Variants in ESR1 observed in about 807,000 individuals in gnomAD.
ESR1 encodes the protein estrogen receptor.
Under a neutral mutation model 52.7 loss-of-function variants are expected in ESR1, and 12 were observed. That is an observed-to-expected ratio of 0.23 (90% CI 0.15 to 0.37). The LOEUF (loss-of-function observed/expected upper bound fraction) is 0.37. ESR1 is among the 10% of genes least tolerant of loss of function. The pLI, the probability that ESR1 is intolerant of heterozygous loss-of-function variation, is 1.00. For synonymous variants in ESR1, 305 were observed against 316.8 expected (o/e 0.96, Z 0.39); for missense variants, 584 against 779.7 (o/e 0.75, Z 2.99).
chr6:151,865,154 A>C (rs1451385486), intron 2 of ESR1, among the ~76,000 whole-genome samples: 4 of 152,080 alleles, frequency 2.6e-5, no homozygotes, highest in Non-Finnish European at 5.9e-5. Flanking sequence ...TTTCTTCTGA[A>C]AATTACATAT....
chr6:152,080,646 C>G (rs1371853414), intron 6 of ESR1, among the ~76,000 whole-genome samples: 1 of 152,130 alleles, frequency 6.6e-6, no homozygotes, highest in Non-Finnish European at 1.5e-5. Flanking sequence ...CAAATTCAAA[C>G]ATAACAATAT....
chr6:151,881,448 C>T (rs1309996779), intron 3 of ESR1, among the ~76,000 whole-genome samples: 2 of 151,426 alleles, frequency 1.3e-5, no homozygotes, highest in Non-Finnish European at 2.9e-5. Context: ...ATCCGATCTT[C>T]CAGTTTTGTC....
At chr6:151,684,726 C>T (rs1778588510) in intron 1 of ESR1, among the ~76,000 whole-genome samples, 1 of 152,200 alleles carries the variant, frequency 6.6e-6, no homozygotes, top group Non-Finnish European at 1.5e-5. Context: ...ACCTGCAATT[C>T]TTTCTGGTTC....
chr6:152,045,364 G>T (rs1194936869), intron 5 of ESR1, among the ~76,000 whole-genome samples: 1 of 152,188 alleles, frequency 6.6e-6, no homozygotes, highest in Non-Finnish European at 1.5e-5. Context: ...CTCAGTGTAG[G>T]AACAATGTGA....
chr6:152,067,323 A>G (rs1221355190), intron 6 of ESR1, among the ~76,000 whole-genome samples: 1 of 152,146 alleles, frequency 6.6e-6, no homozygotes, highest in Non-Finnish European at 1.5e-5. Flanking sequence ...GAGGTGAGAA[A>G]AGGCAGCAGG....
intron 4 of ESR1, among the ~76,000 whole-genome samples, chr6:151,955,858 T>C (rs2036848174): frequency 6.6e-6 from 1 of 152,128 alleles, no homozygotes; most frequent in Non-Finnish European, 1.5e-5. Flanking sequence ...TATTTTTTTT[T>C]CCGAACCTCT....
chr6:151,792,392 CAAT>C (rs1330117722), intron 2 of ESR1, among the ~76,000 whole-genome samples: 4 of 151,946 alleles, frequency 2.6e-5, no homozygotes, highest in Admixed American at 6.6e-5. Context: ...TTTCTTCAAT[CAAT>C]AATAAGTGAA....
chr6:151,824,524 G>A (rs1781138084), intron 1 of ESR1, among the ~76,000 whole-genome samples: 1 of 152,158 alleles, frequency 6.6e-6, no homozygotes, highest in Non-Finnish European at 1.5e-5. Flanking sequence ...TGCTTTTGGT[G>A]CTTTGGACAT....
chr6:151,843,396 T>G (rs1361235176), intron 2 of ESR1, among the ~76,000 whole-genome samples: 1 of 152,178 alleles, frequency 6.6e-6, no homozygotes, highest in Non-Finnish European at 1.5e-5. Context: ...CATTTCATTT[T>G]CCCGCCTGCC....
At chr6:152,092,060 G>C (rs2050228180) in intron 6 of ESR1, among the ~76,000 whole-genome samples, 1 of 152,126 alleles carries the variant, frequency 6.6e-6, no homozygotes. Context: ...GAAGAGCTGA[G>C]GCCCTCCTAG....
At chr6:151,989,081 T>C (rs974773700) in intron 4 of ESR1, among the ~76,000 whole-genome samples, 3 of 152,188 alleles carry the variant, frequency 2.0e-5, no homozygotes, top group African/African-American at 7.2e-5. Flanking sequence ...TTAGAATGCA[T>C]GCCTTAATGT....
chr6:152,125,360 A>C, exon 7 of ESR1: 1 of 1,549,796 alleles, frequency 6.5e-7, no homozygotes, highest in Non-Finnish European at 8.7e-7. Context: ...GCCTCTGGTC[A>C]TAAGGCCTCA....
At chr6:151,773,602 G>A (rs1431934084) in intron 2 of ESR1, among the ~76,000 whole-genome samples, 2 of 152,224 alleles carry the variant, frequency 1.3e-5, no homozygotes, top group Non-Finnish European at 2.9e-5. Flanking sequence ...TCCTAGTGGA[G>A]AGGAAGTCTA....
At position 151,880,763 on chromosome 6, in the gene ESR1, T is replaced by G; in HGVS notation, c.752T>G (p.Met251Arg). 1 of 1,566,998 alleles carries G rather than the reference T, an allele frequency of 6.4e-7. No individual in the cohort carries two copies. Among genetic ancestry groups the G allele is most frequent in the Non-Finnish European group, 8.8e-7 (1 of 1,137,036 alleles). Residue 251 changes from methionine to arginine, a missense_variant, in exon 3 of 8, where the codon ATG (methionine) becomes AGG (arginine). Physicochemically the swap from Met to Arg is moderately conservative, Grantham distance 91 (BLOSUM62 -1). Transcript: ENST00000206249. ...RLRKCYEVGM[M>R]KGGIRKDRRG... Reference sequence around the variant, plus strand: ...CGTAAATGCTACGAAGTGGGAATGATGAAAGGTGGTAGGTACATCTCTCCC... The same window carrying G: ...CGTAAATGCTACGAAGTGGGAATGAGGAAAGGTGGTAGGTACATCTCTCCC...
chr6:151,908,586 C>T (rs986656445), intron 3 of ESR1, among the ~76,000 whole-genome samples: 4 of 152,124 alleles, frequency 2.6e-5, no homozygotes, highest in African/African-American at 9.7e-5. Flanking sequence ...TCTTCTCACT[C>T]GTTGCTTAAA....
At position 152,101,034 on chromosome 6, in the gene ESR1, GTTTTTTT is replaced by G. The variant is rs11285435; in HGVS notation, c.*2079_*2085del. On this transcript the variant is annotated 3_prime_UTR_variant, in exon 8 of 8. Coordinates refer to ENST00000206249, the MANE Select transcript of ESR1 (RefSeq NM_000125.4). ...TGCAAAAACCAAGGAAAAATATTTA[GTTTTTTT>G]TTTTTTTTTTGTATACTTTTCAAGC... is the stretch of plus-strand genomic sequence containing the variant. 5.3e-6 allele frequency: 1 copy of G among 187,774 alleles called. No individual in the cohort carries two copies. Among genetic ancestry groups the G allele is most frequent in the Non-Finnish European group, 1.0e-5 (1 of 96,088 alleles). 11.6% of individuals were successfully genotyped at this position (187,774 alleles called of 1,614,324 possible). A position where few individuals can be genotyped will look rare whatever the true frequency, so the allele number is the denominator to read the frequency against.
intron 1 of ESR1, among the ~76,000 whole-genome samples, chr6:151,815,991 G>T (rs1465822256): frequency 6.6e-6 from 1 of 152,190 alleles, no homozygotes; most frequent in Non-Finnish European, 1.5e-5. Context: ...ACAAGGCTCT[G>T]ACGTGTCTTA....
At chr6:152,117,342 C>T (rs1289800990) in intron 6 of ESR1, among the ~76,000 whole-genome samples, 1 of 152,196 alleles carries the variant, frequency 6.6e-6, no homozygotes, top group Non-Finnish European at 1.5e-5. Flanking sequence ...GGATTTAAGC[C>T]TGAGCTGGGA....
intron 4 of ESR1, among the ~76,000 whole-genome samples, chr6:151,991,843 T>A (rs2041055346): frequency 6.6e-6 from 1 of 152,160 alleles, no homozygotes; most frequent in South Asian, 2.1e-4. Flanking sequence ...GCTCCATCAG[T>A]CAGACAGGAG....
Sources: allele counts gnomAD v4.1 joint callset (sites outside exome capture counted in the v4.1 genomes callset), GRCh38; gene constraint gnomAD v4.1.1; transcripts MANE v1.5; gene names NCBI Gene and HGNC (gene_info 2026-07-23, HGNC 2026-07-21).